The following CSMD1 variants were observed in gnomAD, a reference collection of about 807,000 sequenced individuals.
CSMD1 encodes CUB and sushi domain-containing protein 1.
A neutral mutation model predicts 417.5 loss-of-function variants in CSMD1; 213 were observed. That is an observed-to-expected ratio of 0.51 (90% CI 0.46 to 0.57). The LOEUF (loss-of-function observed/expected upper bound fraction) is 0.57, where lower values mean the gene tolerates loss of function less well. CSMD1 is among the 20% of genes least tolerant of loss of function. The probability of loss-of-function intolerance (pLI) is 0.00; values close to 1 mark genes in which losing one functional copy is unlikely to be tolerated. For missense variants in CSMD1, 6,923 were observed against 4,529.7 expected (o/e 1.53, Z -15.17); for synonymous variants, 2,862 against 1,736.8 (o/e 1.65, Z -16.11).
intron 10 of CSMD1, among the ~76,000 whole-genome samples, chr8:3,565,338 T>C (rs189713329): frequency 0.071 from 10,725 of 151,896 alleles, 1,239 homozygotes; most frequent in African/African-American, 0.24. Flanking sequence ...GGGCAGTTGG[T>C]GGAGCCACTG....
intron 5 of CSMD1, among the ~76,000 whole-genome samples, chr8:3,773,369 G>A (rs79791371): frequency 0.014 from 2,110 of 152,156 alleles, 41 homozygotes; most frequent in African/African-American, 0.049. Context: ...CTGTAGCCTC[G>A]ACTACAGTGA....
intron 1 of CSMD1, among the ~76,000 whole-genome samples, chr8:4,675,924 G>A (rs1388072709): frequency 2.6e-5 from 4 of 152,092 alleles, no homozygotes; most frequent in Admixed American, 1.3e-4. Context: ...AAAAATAAAC[G>A]TTAAGCCTGG....
chr8:3,385,117 TA>T (rs1810922536), intron 18 of CSMD1, among the ~76,000 whole-genome samples: 1 of 89,470 alleles, frequency 1.1e-5, no homozygotes, highest in African/African-American at 4.3e-5. Flanking sequence ...TAAAAATATA[TA>T]TAATATATAA....
intron 1 of CSMD1, among the ~76,000 whole-genome samples, chr8:4,720,687 G>A (rs1460696493): frequency 6.6e-6 from 1 of 152,130 alleles, no homozygotes; most frequent in African/African-American, 2.4e-5. Context: ...TTCCCAAAGA[G>A]CTGGGATTAC....
At chr8:4,116,347 G>T (rs927878970) in intron 3 of CSMD1, among the ~76,000 whole-genome samples, 1 of 152,070 alleles carries the variant, frequency 6.6e-6, no homozygotes, top group Non-Finnish European at 1.5e-5. Context: ...TATAAGGGTG[G>T]ATACATGTCA....
intron 1 of CSMD1, among the ~76,000 whole-genome samples, chr8:4,688,098 C>T (rs1156391205): frequency 6.6e-6 from 1 of 152,124 alleles, no homozygotes; most frequent in Non-Finnish European, 1.5e-5. Context: ...AAGCTTTCTA[C>T]ATTCATGTAG....
chr8:4,905,108 G>C (rs755263558), intron 1 of CSMD1, among the ~76,000 whole-genome samples: 1 of 152,026 alleles, frequency 6.6e-6, no homozygotes, highest in Non-Finnish European at 1.5e-5. Context: ...TATTTTTAGT[G>C]CTCTATATAC....
At chr8:4,101,437 T>C (rs1801300315) in intron 3 of CSMD1, among the ~76,000 whole-genome samples, 1 of 152,168 alleles carries the variant, frequency 6.6e-6, no homozygotes, top group South Asian at 2.1e-4. Context: ...GCTGCACAGT[T>C]ACCCTTGTGC....
intron 7 of CSMD1, among the ~76,000 whole-genome samples, chr8:3,618,122 C>G (rs1283274085): frequency 1.3e-5 from 2 of 152,058 alleles, no homozygotes; most frequent in African/African-American, 2.4e-5. Context: ...CCGTCTCAGC[C>G]TCCCTAATAG....
At chr8:4,351,793 G>T (rs556486721) in intron 3 of CSMD1, among the ~76,000 whole-genome samples, 1 of 152,052 alleles carries the variant, frequency 6.6e-6, no homozygotes, top group East Asian at 1.9e-4. Context: ...TGTGCACTTG[G>T]AATCCAGCAT....
At chr8:3,757,292 G>T (rs149169666) in intron 5 of CSMD1, among the ~76,000 whole-genome samples, 2 of 152,304 alleles carry the variant, frequency 1.3e-5, no homozygotes, top group Non-Finnish European at 2.9e-5. Context: ...ACGTATTTCA[G>T]GCTTTATGGG....
chr8:4,367,239 G>T (rs537243430), intron 3 of CSMD1, among the ~76,000 whole-genome samples: 1 of 152,192 alleles, frequency 6.6e-6, no homozygotes, highest in African/African-American at 2.4e-5. Flanking sequence ...TAAGGAAGGG[G>T]TCCAGTCTCA....
At chr8:4,611,913 T>C (rs578085803) in intron 2 of CSMD1, among the ~76,000 whole-genome samples, 2 of 152,340 alleles carry the variant, frequency 1.3e-5, no homozygotes, top group East Asian at 1.9e-4. Flanking sequence ...TGACAAATTC[T>C]ACATTCCTGA....
intron 2 of CSMD1, among the ~76,000 whole-genome samples, chr8:4,570,021 G>C (rs1798807972): frequency 1.3e-5 from 2 of 152,236 alleles, no homozygotes; most frequent in South Asian, 4.2e-4. Context: ...TTCCTTATCA[G>C]CTTAAGGACT....
At chr8:4,567,478 T>A (rs538490386) in intron 2 of CSMD1, among the ~76,000 whole-genome samples, 16 of 152,246 alleles carry the variant, frequency 1.1e-4, no homozygotes, top group African/African-American at 3.6e-4. Context: ...AAAAGAGCAA[T>A]TCCAATGTAC....
At chr8:4,465,180 T>G (rs1800090220) in intron 2 of CSMD1, among the ~76,000 whole-genome samples, 1 of 152,138 alleles carries the variant, frequency 6.6e-6, no homozygotes, top group African/African-American at 2.4e-5. Flanking sequence ...CCAGAGGGAA[T>G]AGGAAGTCCA....
chr8:4,679,411 A>C (rs1243214757), intron 1 of CSMD1, among the ~76,000 whole-genome samples: 3 of 152,250 alleles, frequency 2.0e-5, no homozygotes, highest in Non-Finnish European at 4.4e-5. Context: ...GAATTAAAAT[A>C]ATAATTAAAG....
At chr8:3,452,650 C>T (rs76628273) in intron 12 of CSMD1, among the ~76,000 whole-genome samples, 63,984 of 152,014 alleles carry the variant, frequency 0.42, 14,058 homozygotes, top group Middle Eastern at 0.51. Context: ...ATCAGCCTTG[C>T]ATCCCAGGGA....
intron 1 of CSMD1, among the ~76,000 whole-genome samples, chr8:4,817,263 C>G (rs1349045076): frequency 6.6e-6 from 1 of 152,162 alleles, no homozygotes; most frequent in Non-Finnish European, 1.5e-5. Context: ...GATTTTCCCA[C>G]TAATATGTGT....
Sources: gnomAD v4.1 joint callset for allele counts (sites outside exome capture counted in the v4.1 genomes callset) on GRCh38, gnomAD v4.1.1 for gene constraint, MANE v1.5 for transcripts, NCBI Gene and HGNC (gene_info 2026-07-23, HGNC 2026-07-21) for gene names.